Variants in CCDC187 observed in about 807,000 individuals in gnomAD.
CCDC187 encodes coiled-coil domain containing 187, also known as coiled-coil domain-containing protein 187.
A neutral mutation model predicts 38.0 loss-of-function variants in CCDC187; 32 were observed. The ratio of observed to expected loss-of-function variants is 0.84; its 90% CI spans 0.64 to 1.13. The LOEUF (loss-of-function observed/expected upper bound fraction) is 1.13. Ranked by LOEUF, CCDC187 falls within the 50% of genes most tolerant of loss-of-function variation. The pLI is 0.00. For synonymous variants in CCDC187, 333 were observed against 347.9 expected (o/e 0.96, Z 0.48); for missense variants, 707 against 786.8 (o/e 0.90, Z 1.21).
intron 4 of CCDC187, among the ~76,000 whole-genome samples, chr9:136,293,459 T>TGCTCA (rs1831425664): frequency 0.28 from 11,158 of 39,870 alleles, 676 homozygotes; most frequent in East Asian, 0.42. Flanking sequence ...ATGCTCACAC[T>TGCTCA]CACACTCACA....
At chr9:136,282,292 C>T (rs1205231349) in intron 9 of CCDC187, among the ~76,000 whole-genome samples, 2 of 152,270 alleles carry the variant, frequency 1.3e-5, no homozygotes, top group East Asian at 3.9e-4. Flanking sequence ...CACCTGCCCC[C>T]ACTCAAGCTG....
chr9:136,263,724 C>T lies in CCDC187; in HGVS notation c.3810G>A (p.Arg1270=), dbSNP rs939985799. ...CAGGCCCCGGCATGGAGACGACGTC[C>T]CTCTGATGCTGCAGAAGCAGCTTCC... ...RDRKLLLQHQ[R]DVVSMPGPVD... Residue 1270 remains arginine (R), a synonymous_variant, in exon 18 of 26, where the codon AGG becomes AGA. Coordinates refer to ENST00000638797, the MANE Select transcript of CCDC187 (RefSeq NM_001378188.1). The T allele has an allele frequency of 1.6e-4, 153 of 985,360 alleles. No individual in the cohort carries two copies. Among genetic ancestry groups the T allele is most frequent in the Non-Finnish European group, 1.7e-4 (144 of 829,942 alleles). The allele number at this position is 985,360 out of a possible 1,614,324, so 61.0% of individuals were successfully genotyped here. A position where few individuals can be genotyped will look rare whatever the true frequency, so the allele number is the denominator to read the frequency against.
At chr9:136,270,108 C>A (rs1186752615) in intron 14 of CCDC187, among the ~76,000 whole-genome samples, 2 of 152,184 alleles carry the variant, frequency 1.3e-5, no homozygotes, top group African/African-American at 4.8e-5. Context: ...CTTCAAGTGG[C>A]CTAATGTATG....
In CCDC187 at chr9:136,255,150, A is replaced by G. The variant is rs1554760120; in HGVS notation, c.4694-16T>C. 3.1e-6 allele frequency: 3 copies of G among 983,586 alleles called. No individual in the cohort carries two copies. The highest frequency in any genetic ancestry group is 3.6e-6 in the Non-Finnish European group (3 of 828,384). The allele number at this position is 983,586 out of a possible 1,614,324, so 60.9% of individuals were successfully genotyped here. A position where few individuals can be genotyped will look rare whatever the true frequency, so the allele number is the denominator to read the frequency against. On this transcript the variant is annotated splice_polypyrimidine_tract_variant and intron_variant, in intron 25 of 25. Transcript: ENST00000638797. ...ACAGGAGCTGCTAAGAGAGGGGGCAATCAACAGTGGTCACCCTCTGCACCC... is the reference window on the plus strand; with the variant it reads ...ACAGGAGCTGCTAAGAGAGGGGGCAGTCAACAGTGGTCACCCTCTGCACCC...
intron 14 of CCDC187, among the ~76,000 whole-genome samples, chr9:136,271,117 G>A (rs1190420891): frequency 1.3e-5 from 2 of 152,196 alleles, no homozygotes; most frequent in Non-Finnish European, 2.9e-5. Context: ...CTGAAGGAGA[G>A]GTGAGAGAAA....
chr9:136,261,480 C>G (rs140820798), intron 19 of CCDC187, among the ~76,000 whole-genome samples: 1 of 137,252 alleles, frequency 7.3e-6, no homozygotes, highest in African/African-American at 2.5e-5. Flanking sequence ...ATACATGTAC[C>G]GGCCCCTCCC....
chr9:136,252,622 C>A lies in CCDC187; in HGVS notation c.*972G>T. The A allele has an allele frequency of 6.0e-6, 1 of 166,792 alleles. No individual in the cohort carries two copies. The highest frequency in any genetic ancestry group is 1.3e-5 in the Non-Finnish European group (1 of 76,574). 10.3% of individuals were successfully genotyped at this position (166,792 alleles called of 1,614,324 possible). A position where few individuals can be genotyped will look rare whatever the true frequency, so the allele number is the denominator to read the frequency against. On this transcript the variant is annotated 3_prime_UTR_variant, in exon 26 of 26. Transcript: ENST00000638797. ...AAGTCCAGGCCTCTAGGTTCTTACT[C>A]CCACGTGTGCATGTGTATGCCACAC...
intron 14 of CCDC187, among the ~76,000 whole-genome samples, chr9:136,273,665 A>C (rs1345310090): frequency 6.6e-6 from 1 of 152,216 alleles, no homozygotes; most frequent in Non-Finnish European, 1.5e-5. Flanking sequence ...ACTTGATCTA[A>C]GTGTTACCAC....
intron 4 of CCDC187, among the ~76,000 whole-genome samples, chr9:136,294,911 T>G (rs1831497849): frequency 6.6e-6 from 1 of 152,194 alleles, no homozygotes; most frequent in Non-Finnish European, 1.5e-5. Flanking sequence ...TTCTCAGACC[T>G]GGGTTTAAGT....
chr9:136,277,494 A>G (rs1485875825), intron 10 of CCDC187, among the ~76,000 whole-genome samples: 154 of 3,612 alleles, frequency 0.043, 1 homozygote, highest in African/African-American at 0.13. Flanking sequence ...GGGGGTGGGC[A>G]GGTGCTGAGG....
rs150079646 is a variant in CCDC187, at chr9:136,266,004, C to T, written c.3687G>A (p.Ala1229=). The change falls in exon 17 of 26, where the codon GCG becomes GCA. Residue 1229 remains alanine (A), a synonymous_variant. Coordinates refer to ENST00000638797, the MANE Select transcript of CCDC187 (RefSeq NM_001378188.1). ...DSKRDRAVLA[A]LVEKQQQALS... ...GGGCTTGCTGCTGCTTCTCAACCAG[C>T]GCGGCCAGCACAGCTCTGTCCCTCT... 2,041 of 985,538 alleles carry T rather than the reference C, an allele frequency of 2.1e-3. 3 individuals are homozygous for T. Among genetic ancestry groups the T allele is most frequent in the Middle Eastern group, 4.7e-3 (9 of 1,914 alleles). The allele number at this position is 985,538 out of a possible 1,614,324, so 61.0% of individuals were successfully genotyped here.
At chr9:136,261,454 G>C (rs1416944166) in intron 19 of CCDC187, among the ~76,000 whole-genome samples, 2 of 151,934 alleles carry the variant, frequency 1.3e-5, no homozygotes, top group African/African-American at 4.8e-5. Flanking sequence ...CCATGCTGGG[G>C]TCCAGGTCTG....
At chr9:136,293,231 A>G (rs1234681890) in intron 4 of CCDC187, among the ~76,000 whole-genome samples, 1 of 142,506 alleles carries the variant, frequency 7.0e-6, no homozygotes, top group Non-Finnish European at 1.5e-5. Context: ...ACTCACACTC[A>G]CACGCTCACA....
At chr9:136,265,541 T>C (rs1830733814) in intron 17 of CCDC187, 1 of 152,274 alleles carries the variant, frequency 6.6e-6, no homozygotes, top group African/African-American at 2.4e-5. Flanking sequence ...AAGTGCTGGC[T>C]GCACTAAACT....
chr9:136,280,689 G>A (rs1256809541), intron 10 of CCDC187, among the ~76,000 whole-genome samples: 7 of 152,180 alleles, frequency 4.6e-5, no homozygotes, highest in Non-Finnish European at 8.8e-5. Context: ...CCAGCCCAAG[G>A]CTTTGAACCC....
In CCDC187 at chr9:136,294,301, C is replaced by T. The variant is rs911214253; in HGVS notation, c.833-2006G>A. ...CCTCACATGTGCTCTCACTCTCACA[C>T]GCTCATATACACATGCCCTCACGTG... On this transcript the variant is annotated intron_variant, in intron 4 of 25. Coordinates refer to ENST00000638797, the MANE Select transcript of CCDC187 (RefSeq NM_001378188.1). Among the ~76,000 whole-genome samples, 202 of 149,160 alleles carry T rather than the reference C, an allele frequency of 1.4e-3. 1 individual carries two copies. Among genetic ancestry groups the T allele is most frequent in the African/African-American group, 3.8e-3 (148 of 39,038 alleles).
At chr9:136,279,131 A>G (rs1427069302) in intron 10 of CCDC187, among the ~76,000 whole-genome samples, 4 of 151,784 alleles carry the variant, frequency 2.6e-5, no homozygotes, top group African/African-American at 9.7e-5. Flanking sequence ...ACATGTTTAA[A>G]TCTAGAAGCT....
At chr9:136,285,014 C>T (rs1022705852) in intron 9 of CCDC187, among the ~76,000 whole-genome samples, 7 of 151,996 alleles carry the variant, frequency 4.6e-5, no homozygotes, top group African/African-American at 7.3e-5. Flanking sequence ...CCTGGGGGCG[C>T]GGGACAGGCA....
chr9:136,288,271 G>T (rs1210617256), intron 7 of CCDC187, among the ~76,000 whole-genome samples: 1 of 152,156 alleles, frequency 6.6e-6, no homozygotes, highest in African/African-American at 2.4e-5. Context: ...CCAGACTCCC[G>T]GGAAAGAATC....
Sources: gnomAD v4.1 joint callset for allele counts (sites outside exome capture counted in the v4.1 genomes callset) on GRCh38, gnomAD v4.1.1 for gene constraint, MANE v1.5 for transcripts, NCBI Gene and HGNC (gene_info 2026-07-23, HGNC 2026-07-21) for gene names.